SEPTIN9: variants seen among roughly 807,000 people sequenced by gnomAD.
SEPTIN9 encodes the protein septin-9.
A neutral mutation model predicts 56.6 loss-of-function variants in SEPTIN9; 13 were observed. That is an observed-to-expected ratio of 0.23 (90% CI 0.15 to 0.37). The LOEUF (loss-of-function observed/expected upper bound fraction) is 0.37, where lower values mean the gene tolerates loss of function less well. Ranked by LOEUF, SEPTIN9 falls within the 10% of genes least tolerant of loss-of-function variation. The pLI is 1.00. For missense variants in SEPTIN9, 650 were observed against 823.1 expected (o/e 0.79, Z 2.57); for synonymous variants, 332 against 334.1 (o/e 0.99, Z 0.07).
intron 3 of SEPTIN9, among the ~76,000 whole-genome samples, chr17:77,460,862 A>G (rs1202874249): frequency 6.6e-6 from 1 of 152,132 alleles, no homozygotes; most frequent in African/African-American, 2.4e-5. Flanking sequence ...GGATGAGTTG[A>G]GTGAGACCCT....
chr17:77,402,202 T>C lies in SEPTIN9; in HGVS notation c.220T>C (p.Ser74Pro), dbSNP rs2144098553. The change falls in exon 3 of 12, where the codon TCG (serine) becomes CCG (proline). Residue 74 changes from serine to proline, a missense_variant. Ser to Pro is a moderately conservative substitution (Grantham distance 74). Around this residue, in one of 2 missense-constraint regions of SEPTIN9, gnomAD observed 317 missense variants for 329.1 expected, o/e 0.96. Transcript: ENST00000427177. The surrounding 1 kb of genome is among the most constrained non-coding windows in gnomAD (Gnocchi z 6.6). ...QDLGVKNSEP[S>P]ARHVDSLSQR... ...CCTGGGCGTGAAGAACTCAGAACCC[T>C]CGGCCCGCCATGTGGACTCCCTAAG... 1 of 1,613,374 alleles carries C rather than the reference T, an allele frequency of 6.2e-7. No homozygotes were observed. Among genetic ancestry groups the C allele is most frequent in the Non-Finnish European group, 8.5e-7 (1 of 1,179,804 alleles).
At chr17:77,338,068 A>G (rs1349190037) in intron 2 of SEPTIN9, among the ~76,000 whole-genome samples, 1 of 152,080 alleles carries the variant, frequency 6.6e-6, no homozygotes, top group African/African-American at 2.4e-5. Flanking sequence ...GTGGTGGCAC[A>G]TGCCTGTAGT....
chr17:77,343,768 G>A (rs543093159), intron 2 of SEPTIN9, among the ~76,000 whole-genome samples: 1 of 152,328 alleles, frequency 6.6e-6, no homozygotes, highest in Non-Finnish European at 1.5e-5. Context: ...GCTGAGTATT[G>A]GAGAATTGCT....
chr17:77,313,314 ACCGG>A lies in SEPTIN9; in HGVS notation c.76+6118_76+6121del, dbSNP rs2032580825. ...GCATGTGAGAGTGGAATTGGGCCCA[ACCGG>A]GCTGCTTCTCCCCGTTGTCTTGGTT... On this transcript the variant is annotated intron_variant, in intron 2 of 11. Transcript: ENST00000427177. This position sits in a 1 kb window ranked among gnomAD's most constrained non-coding sequence, Gnocchi z 4.5. 6.6e-6 allele frequency among the ~76,000 whole-genome samples: 1 copy of A among 152,210 alleles called. No individual in the cohort carries two copies. The highest frequency in any genetic ancestry group is 2.4e-5 in the African/African-American group (1 of 41,450).
chr17:77,447,663 C>G (rs1433229203), intron 3 of SEPTIN9, among the ~76,000 whole-genome samples: 1 of 152,264 alleles, frequency 6.6e-6, no homozygotes, highest in Non-Finnish European at 1.5e-5. Context: ...CTCGCTCTGT[C>G]GCCCAGGCTG....
At chr17:77,293,495 C>T (rs2073813907) in intron 1 of SEPTIN9, among the ~76,000 whole-genome samples, 2 of 151,960 alleles carry the variant, frequency 1.3e-5, no homozygotes, top group Admixed American at 6.6e-5. Flanking sequence ...GACTTAAAGG[C>T]GGGGAACTAG....
chr17:77,440,257 C>T (rs372383262), intron 3 of SEPTIN9, among the ~76,000 whole-genome samples: 3 of 152,080 alleles, frequency 2.0e-5, no homozygotes, highest in South Asian at 2.1e-4. Flanking sequence ...CGGGTTCAAG[C>T]GAGTCTCCTG....
At chr17:77,303,143 C>G (rs1192100207) in intron 1 of SEPTIN9, among the ~76,000 whole-genome samples, 2 of 151,938 alleles carry the variant, frequency 1.3e-5, no homozygotes, top group African/African-American at 2.4e-5. Context: ...CTCTGTCGCC[C>G]AGGCTGGAGT....
Position 77,327,367 on chromosome 17 carries a change from T to C in SEPTIN9, c.76+20170T>C, listed in dbSNP as rs1315972127. On this transcript the variant is annotated intron_variant, in intron 2 of 11. Transcript: ENST00000427177. The surrounding 1 kb of genome is among the most constrained non-coding windows in gnomAD (Gnocchi z 5.0). ...GAACGGCCAGAGCTTCTGAAGCCGC[T>C]CGCTGTGTGCCCCCGCCTGGCCCCA... Among the ~76,000 whole-genome samples, 2 of 152,126 alleles carry C rather than the reference T, an allele frequency of 1.3e-5. No homozygotes were observed. Among genetic ancestry groups the C allele is most frequent in the African/African-American group, 4.8e-5 (2 of 41,412 alleles).
At position 77,405,995 on chromosome 17, in the gene SEPTIN9, G is replaced by T. The variant is rs1336814642; in HGVS notation, c.721+3292G>T. ...TCATGGAGGGAGTTCCGTGCCCTCT[G>T]AGCAGACGCCCAGCCCCTTGGCTTC... On this transcript the variant is annotated intron_variant, in intron 3 of 11. Coordinates refer to ENST00000427177, the MANE Select transcript of SEPTIN9 (RefSeq NM_001113491.2). The surrounding 1 kb of genome is among the most constrained non-coding windows in gnomAD (Gnocchi z 5.8). Among the ~76,000 whole-genome samples, 1 of 152,228 alleles carries T rather than the reference G, an allele frequency of 6.6e-6. No individual in the cohort carries two copies. Among genetic ancestry groups the T allele is most frequent in the Non-Finnish European group, 1.5e-5 (1 of 68,020 alleles).
Position 77,310,025 on chromosome 17 carries a change from C to G in SEPTIN9, c.76+2828C>G, listed in dbSNP as rs2032428720. 6.6e-6 allele frequency among the ~76,000 whole-genome samples: 1 copy of G among 151,850 alleles called. No homozygotes were observed. Among genetic ancestry groups the G allele is most frequent in the Admixed American group, 6.6e-5 (1 of 15,224 alleles). ...ATAGAGTCTCGCTCTATCGCCCAGG[C>G]TGGAGTGCAGTGGCACCATCTCGGC... On this transcript the variant is annotated intron_variant, in intron 2 of 11. Coordinates refer to ENST00000427177, the MANE Select transcript of SEPTIN9 (RefSeq NM_001113491.2). This position sits in a 1 kb window ranked among gnomAD's most constrained non-coding sequence, Gnocchi z 4.7.
intron 3 of SEPTIN9, among the ~76,000 whole-genome samples, chr17:77,427,580 A>G (rs953448509): frequency 6.6e-6 from 1 of 152,148 alleles, no homozygotes; most frequent in Non-Finnish European, 1.5e-5. Flanking sequence ...CATACACTGT[A>G]TTGAGATGGG....
chr17:77,301,116 A>G (rs2032034612), intron 1 of SEPTIN9, among the ~76,000 whole-genome samples: 1 of 152,066 alleles, frequency 6.6e-6, no homozygotes, highest in Non-Finnish European at 1.5e-5. Context: ...CCCAGGCTCA[A>G]AGTGGGAAGG....
At chr17:77,349,072 T>TTTTGCAGA (rs1480086876) in intron 2 of SEPTIN9, among the ~76,000 whole-genome samples, 1 of 152,124 alleles carries the variant, frequency 6.6e-6, no homozygotes, top group African/African-American at 2.4e-5. Context: ...CAAATCTTTA[T>TTTTGCAGA]TTTGCTGTCA....
rs1032997925 is a variant in SEPTIN9, at chr17:77,462,591, G to A, written c.722-19553G>A. Among the ~76,000 whole-genome samples, 4 of 152,172 alleles carry A rather than the reference G, an allele frequency of 2.6e-5. No individual in the cohort carries two copies. In the East Asian group the frequency reaches 5.8e-4, roughly 22 times the overall value. ...GAGCCACTGTGCCCGGCCTAGGCCTGAACAGTTTTTATTTGTTTTGCTTGT... is the reference window on the plus strand; with the variant it reads ...GAGCCACTGTGCCCGGCCTAGGCCTAAACAGTTTTTATTTGTTTTGCTTGT... On this transcript the variant is annotated intron_variant, in intron 3 of 11. Transcript: ENST00000427177.
chr17:77,428,610 T>C (rs2037004166), intron 3 of SEPTIN9, among the ~76,000 whole-genome samples: 1 of 152,202 alleles, frequency 6.6e-6, no homozygotes, highest in South Asian at 2.1e-4. Context: ...GGCGGCATCC[T>C]CATCTTGCAG....
chr17:77,414,443 C>T (rs1160433264), intron 3 of SEPTIN9, among the ~76,000 whole-genome samples: 3 of 152,064 alleles, frequency 2.0e-5, no homozygotes, highest in Non-Finnish European at 2.9e-5. Context: ...ACCATCGTCA[C>T]CACAACCAAT....
intron 2 of SEPTIN9, among the ~76,000 whole-genome samples, chr17:77,363,149 C>A (rs908212720): frequency 6.6e-6 from 1 of 152,176 alleles, no homozygotes; most frequent in Admixed American, 6.5e-5. Context: ...AGTGACAGGT[C>A]ACATGGTCAT....
intron 3 of SEPTIN9, among the ~76,000 whole-genome samples, chr17:77,464,853 A>G (rs931513625): frequency 3.9e-5 from 6 of 151,972 alleles, no homozygotes; most frequent in Non-Finnish European, 8.8e-5. Flanking sequence ...TCAGCCTCCC[A>G]AAGTGCTGGG....
Sources: allele counts gnomAD v4.1 joint callset (sites outside exome capture counted in the v4.1 genomes callset), GRCh38; gene constraint gnomAD v4.1.1; regional missense constraint gnomAD v4.1.1; non-coding constraint Gnocchi (gnomAD v3.1); transcripts MANE v1.5; gene names NCBI Gene and HGNC (gene_info 2026-07-23, HGNC 2026-07-21).